The following SLC23A2 variants were observed in gnomAD, a reference collection of about 807,000 sequenced individuals.
SLC23A2 encodes Na(+)/L-ascorbic acid transporter 2.
In SLC23A2, 36 loss-of-function variants were observed where a neutral mutation model predicts 73.3. The observed-to-expected ratio is 0.49, with a 90% CI of 0.38 to 0.65. The LOEUF (loss-of-function observed/expected upper bound fraction) is 0.65. SLC23A2 is among the 30% of genes least tolerant of loss of function. The probability of loss-of-function intolerance (pLI) is 0.00; values close to 1 mark genes in which losing one functional copy is unlikely to be tolerated. For missense variants in SLC23A2, 507 were observed against 841.6 expected (o/e 0.60, Z 4.92); for synonymous variants, 343 against 327.3 (o/e 1.05, Z -0.52).
chr20:4,978,431 G>C (rs562919709), intron 1 of SLC23A2, among the ~76,000 whole-genome samples: 1 of 152,302 alleles, frequency 6.6e-6, no homozygotes, highest in East Asian at 1.9e-4. Flanking sequence ...GTAACTAGAG[G>C]TCAGAATTGT....
Position 4,889,452 on chromosome 20 carries a change from C to T in SLC23A2, c.483-3543G>A, listed in dbSNP as rs186241805. Among the ~76,000 whole-genome samples, 299 of 151,970 alleles carry T rather than the reference C, an allele frequency of 2.0e-3. 1 individual carries two copies. Among genetic ancestry groups the T allele is most frequent in the African/African-American group, 6.5e-3 (270 of 41,438 alleles). ...GAAGGACCTGCTCTGAAAGGACCAC[C>T]GTAGGAGAACTGGGAGAGGTGACCT... On this transcript the variant is annotated intron_variant, in intron 6 of 16. Transcript: ENST00000338244.
intron 9 of SLC23A2, among the ~76,000 whole-genome samples, chr20:4,875,772 C>T (rs1242506498): frequency 1.3e-5 from 2 of 152,348 alleles, no homozygotes; most frequent in African/African-American, 2.4e-5. Flanking sequence ...GCGTCTAAGC[C>T]TCCACGCGGT....
At chr20:4,929,096 A>AAT (rs1555803118) in intron 3 of SLC23A2, among the ~76,000 whole-genome samples, 4 of 151,864 alleles carry the variant, frequency 2.6e-5, no homozygotes, top group African/African-American at 4.8e-5. Flanking sequence ...AAATTTAAAA[A>AAT]ATATATATAT....
chr20:4,966,482 A>G (rs980539393), intron 2 of SLC23A2, among the ~76,000 whole-genome samples: 1 of 152,212 alleles, frequency 6.6e-6, no homozygotes, highest in Admixed American at 6.5e-5. Context: ...GGTATGTGCT[A>G]TGAATGTAAC....
At chr20:5,003,911 C>T (rs2088161567), upstream of SLC23A2, among the ~76,000 whole-genome samples, 1 of 152,118 alleles carries the variant, frequency 6.6e-6, no homozygotes, top group Non-Finnish European at 1.5e-5. Context: ...ACTTCTCACT[C>T]GAAATTCTAT....
intron 6 of SLC23A2, among the ~76,000 whole-genome samples, chr20:4,887,773 C>T (rs8114176): frequency 0.019 from 2,861 of 152,296 alleles, 81 homozygotes; most frequent in African/African-American, 0.065. Context: ...TATGTGTTCA[C>T]GTCTAGCCAG....
intron 2 of SLC23A2, among the ~76,000 whole-genome samples, chr20:4,958,129 T>A (rs1407682664): frequency 1.3e-5 from 2 of 152,150 alleles, no homozygotes; most frequent in African/African-American, 4.8e-5. Flanking sequence ...CACATTACAG[T>A]GTGTCCTAGT....
intron 1 of SLC23A2, among the ~76,000 whole-genome samples, chr20:4,988,808 A>C (rs1328737041): frequency 6.6e-6 from 1 of 151,814 alleles, no homozygotes; most frequent in Non-Finnish European, 1.5e-5. Flanking sequence ...GCTACTAGGG[A>C]GGCTGAGACA....
At chr20:5,009,705 A>T (rs1450139700) in intron 1 of SLC23A2, among the ~76,000 whole-genome samples, 1 of 152,180 alleles carries the variant, frequency 6.6e-6, no homozygotes, top group Non-Finnish European at 1.5e-5. Context: ...GAAGGGAAAG[A>T]ACTCAGGATT....
At position 4,859,302 on chromosome 20, in the gene SLC23A2, A is replaced by G; in HGVS notation, c.1707T>C (p.Asp569=). ...FVGGCVAFIL[D]NTIPGTPEER... is the part of the protein sequence containing the mutation. ...TATACCACGTACCTGGGATGGTGTTATCCAGGATAAAAGCCACACAGCCCC... is the reference window on the plus strand; with the variant it reads ...TATACCACGTACCTGGGATGGTGTTGTCCAGGATAAAAGCCACACAGCCCC... Residue 569 remains aspartate (D), a synonymous_variant, in exon 16 of 17, where the codon GAT becomes GAC. Transcript: ENST00000338244. The G allele has an allele frequency of 6.2e-7, 1 of 1,601,938 alleles. No homozygotes were observed. Among genetic ancestry groups the G allele is most frequent in the Non-Finnish European group, 8.6e-7 (1 of 1,169,222 alleles).
At chr20:4,987,796 C>CGA (rs1461045218) in intron 1 of SLC23A2, among the ~76,000 whole-genome samples, 15 of 150,982 alleles carry the variant, frequency 9.9e-5, no homozygotes, top group African/African-American at 3.6e-4. Context: ...TGCAGTGAGC[C>CGA]GATCACGCCA....
rs1025110922 is a variant in SLC23A2, at chr20:4,852,895, G to A, written c.*4077C>T. ...CCAGAAAGGACGGGAATGTCTGTGA[G>A]GCTGCTGAAAAGAGACCCCCAACGC... On this transcript the variant is annotated 3_prime_UTR_variant, in exon 17 of 17. Transcript: ENST00000338244. The surrounding 1 kb of genome is among the most constrained non-coding windows in gnomAD (Gnocchi z 4.3). 6.6e-6 allele frequency: 1 copy of A among 152,664 alleles called. No individual in the cohort carries two copies. Among genetic ancestry groups the A allele is most frequent in the Non-Finnish European group, 1.5e-5 (1 of 68,076 alleles). 9.5% of individuals were successfully genotyped at this position (152,664 alleles called of 1,614,324 possible). A position where few individuals can be genotyped will look rare whatever the true frequency, so the allele number is the denominator to read the frequency against.
At chr20:4,990,077 A>G (rs1441661421) in intron 1 of SLC23A2, among the ~76,000 whole-genome samples, 5 of 152,216 alleles carry the variant, frequency 3.3e-5, no homozygotes. Context: ...TCTTCTTGTC[A>G]GTTGTGACAA....
rs551521260 is a variant in SLC23A2 at position 4,868,142 on chromosome 20, C to T, written c.1251-267G>A. On this transcript the variant is annotated intron_variant, in intron 12 of 16. Transcript: ENST00000338244. The surrounding 1 kb of genome is among the most constrained non-coding windows in gnomAD (Gnocchi z 4.4). ...TCACCTAGGCTGGAATGCAGTGACG[C>T]GATCTTGGCTCACTGCAACCTCCAC... Among the ~76,000 whole-genome samples the T allele has an allele frequency of 6.9e-5, 10 of 143,902 alleles. No homozygotes were observed. Among genetic ancestry groups the T allele is most frequent in the Non-Finnish European group, 7.4e-5 (5 of 67,162 alleles). 94.4% of individuals were successfully genotyped at this position (143,902 alleles called of 152,430 possible). A position where few individuals can be genotyped will look rare whatever the true frequency, so the allele number is the denominator to read the frequency against.
chr20:4,862,823 A>G lies in SLC23A2; in HGVS notation c.1441T>C (p.Ser481Pro), dbSNP rs1930026499. 1 of 1,614,018 alleles carries G rather than the reference A, an allele frequency of 6.2e-7. No individual in the cohort carries two copies. The highest frequency in any genetic ancestry group is 1.3e-5 in the African/African-American group (1 of 75,044). Residue 481 changes from serine (S) to proline (P), a missense_variant, in exon 14 of 17, where the codon TCC becomes CCC. By Grantham distance (74) the Ser-to-Pro change is moderately conservative. Coordinates refer to ENST00000338244, the MANE Select transcript of SLC23A2 (RefSeq NM_005116.6). The surrounding 1 kb of genome is among the most constrained non-coding windows in gnomAD (Gnocchi z 5.1). ...MIGKFSALFA[S>P]LPDPVLGALF... ...GCTCCCAGCACAGGATCCGGAAGGG[A>G]CGCAAAGAGGGCGCTGAACTTCCCG...
At chr20:4,987,706 G>T (rs547309978) in intron 1 of SLC23A2, among the ~76,000 whole-genome samples, 2 of 152,096 alleles carry the variant, frequency 1.3e-5, no homozygotes, top group East Asian at 3.9e-4. Context: ...AAATTAGCCG[G>T]GCGTGGTAGC....
At chr20:4,889,861 A>G (rs1369169500) in intron 6 of SLC23A2, among the ~76,000 whole-genome samples, 2 of 152,116 alleles carry the variant, frequency 1.3e-5, no homozygotes, top group East Asian at 1.9e-4. Flanking sequence ...TAAAAATAAG[A>G]GGTTAAGTCT....
At chr20:4,917,221 T>C (rs887601152) in intron 3 of SLC23A2, among the ~76,000 whole-genome samples, 1 of 152,054 alleles carries the variant, frequency 6.6e-6, no homozygotes, top group Non-Finnish European at 1.5e-5. Context: ...TGGACAGCCA[T>C]TCTGGGTGCA....
At chr20:4,905,810 G>A (rs1206960233) in intron 4 of SLC23A2, among the ~76,000 whole-genome samples, 3 of 152,198 alleles carry the variant, frequency 2.0e-5, no homozygotes, top group Non-Finnish European at 2.9e-5. Flanking sequence ...TTCTGTCACT[G>A]TAGCATGGAT....
Sources: allele counts gnomAD v4.1 joint callset (sites outside exome capture counted in the v4.1 genomes callset), GRCh38; gene constraint gnomAD v4.1.1; non-coding constraint Gnocchi (gnomAD v3.1); transcripts MANE v1.5; gene names NCBI Gene and HGNC (gene_info 2026-07-23, HGNC 2026-07-21).